FBXL7: variants seen among roughly 807,000 people sequenced by gnomAD.
FBXL7 encodes the protein F-box and leucine rich repeat protein 7.
A neutral mutation model predicts 38.3 loss-of-function variants in FBXL7; 12 were observed. The ratio of observed to expected loss-of-function variants is 0.31; its 90% CI spans 0.20 to 0.51. The LOEUF is 0.51. Ranked by LOEUF, FBXL7 falls within the 20% of genes least tolerant of loss-of-function variation. FBXL7 has a pLI of 0.98. For missense variants in FBXL7, 567 were observed against 676.4 expected (o/e 0.84, Z 1.79); for synonymous variants, 297 against 300.9 (o/e 0.99, Z 0.13).
intron 1 of FBXL7, among the ~76,000 whole-genome samples, chr5:15,575,657 G>T (rs578011978): frequency 6.6e-6 from 1 of 152,288 alleles, no homozygotes; most frequent in South Asian, 2.1e-4. Flanking sequence ...GGACTGCTTA[G>T]CAGAACATTT....
intron 2 of FBXL7, among the ~76,000 whole-genome samples, chr5:15,718,814 A>G (rs1239814368): frequency 6.6e-6 from 1 of 152,230 alleles, no homozygotes; most frequent in Non-Finnish European, 1.5e-5. Flanking sequence ...ACGGAGAATG[A>G]ATTTCAACTA....
intron 2 of FBXL7, among the ~76,000 whole-genome samples, chr5:15,695,932 G>A (rs1273943360): frequency 6.6e-6 from 1 of 152,170 alleles, no homozygotes; most frequent in East Asian, 1.9e-4. Flanking sequence ...GAAATACCAG[G>A]TGTACGTTCC....
chr5:15,854,361 A>T (rs1460138008), intron 2 of FBXL7, among the ~76,000 whole-genome samples: 1 of 152,198 alleles, frequency 6.6e-6, no homozygotes, highest in African/African-American at 2.4e-5. Context: ...TTTGACAAAC[A>T]TCCTGTTAGC....
chr5:15,845,699 T>A (rs921766404), intron 2 of FBXL7, among the ~76,000 whole-genome samples: 5 of 152,328 alleles, frequency 3.3e-5, no homozygotes, highest in Non-Finnish European at 7.3e-5. Flanking sequence ...AGGCTGGGTG[T>A]GGTGGCTCAT....
chr5:15,845,804 T>C (rs1738881236), intron 2 of FBXL7, among the ~76,000 whole-genome samples: 1 of 152,082 alleles, frequency 6.6e-6, no homozygotes, highest in Non-Finnish European at 1.5e-5. Context: ...ACCCCGTCTC[T>C]AGTAAAAATA....
chr5:15,904,209 A>G, intron 2 of FBXL7, among the ~76,000 whole-genome samples: 1 of 152,186 alleles, frequency 6.6e-6, no homozygotes, highest in Non-Finnish European at 1.5e-5. Flanking sequence ...GGTTTTCAAG[A>G]TTTGAACCAG....
chr5:15,912,095 T>C (rs1258466098), intron 2 of FBXL7, among the ~76,000 whole-genome samples: 2 of 40,658 alleles, frequency 4.9e-5, no homozygotes, highest in Admixed American at 6.1e-4. Context: ...TAAGCAAGCC[T>C]GGGCAATGGC....
At chr5:15,738,139 C>T (rs925698093) in intron 2 of FBXL7, among the ~76,000 whole-genome samples, 4 of 152,064 alleles carry the variant, frequency 2.6e-5, no homozygotes, top group South Asian at 2.1e-4. Context: ...TAATTAACAC[C>T]GACTCTACAG....
At chr5:15,859,752 C>A (rs977319653) in intron 2 of FBXL7, among the ~76,000 whole-genome samples, 1 of 152,186 alleles carries the variant, frequency 6.6e-6, no homozygotes, top group Admixed American at 6.5e-5. Context: ...ACGGGAACAA[C>A]AGTTCAAGAT....
intron 2 of FBXL7, among the ~76,000 whole-genome samples, chr5:15,619,187 G>A (rs896025547): frequency 4.6e-5 from 7 of 152,122 alleles, no homozygotes; most frequent in Non-Finnish European, 8.8e-5. Flanking sequence ...TTCCCCGGTG[G>A]CATGGAACCG....
intron 2 of FBXL7, among the ~76,000 whole-genome samples, chr5:15,770,338 C>T (rs1736695587): frequency 6.6e-6 from 1 of 152,078 alleles, no homozygotes; most frequent in Non-Finnish European, 1.5e-5. Context: ...CCAGTTCTTG[C>T]CAAGAAGATA....
intron 1 of FBXL7, among the ~76,000 whole-genome samples, chr5:15,509,607 C>G (rs1736738109): frequency 6.6e-6 from 1 of 152,020 alleles, no homozygotes; most frequent in Non-Finnish European, 1.5e-5. Flanking sequence ...ACCCCAAAAC[C>G]AACAACAACA....
chr5:15,906,763 G>A (rs1394987806), intron 2 of FBXL7, among the ~76,000 whole-genome samples: 6 of 70,706 alleles, frequency 8.5e-5, no homozygotes, highest in Admixed American at 3.4e-4. Flanking sequence ...GAGAATATGC[G>A]GTGTTTGGTT....
intron 2 of FBXL7, among the ~76,000 whole-genome samples, chr5:15,794,956 G>A (rs1448694918): frequency 1.3e-5 from 2 of 152,194 alleles, no homozygotes; most frequent in East Asian, 1.9e-4. Context: ...GTTTTGTTTT[G>A]TTTTGTTTTA....
chr5:15,917,613 T>G, intron 2 of FBXL7, among the ~76,000 whole-genome samples: 1 of 104,202 alleles, frequency 9.6e-6, no homozygotes, highest in Non-Finnish European at 2.0e-5. Flanking sequence ...GTCTCAAAAA[T>G]AAAGTAAATG....
rs544632061 is a variant in FBXL7 at position 15,928,795 on chromosome 5, G to A, written c.739+294G>A. On this transcript the variant is annotated intron_variant, in intron 3 of 3. Coordinates refer to ENST00000504595, the MANE Select transcript of FBXL7 (RefSeq NM_012304.5). The surrounding 1 kb of genome is among the most constrained non-coding windows in gnomAD (Gnocchi z 4.0). ...AGTTACATATGTATACATGTGCCAT[G>A]TTGGTGTGCTGCACCCATTAACTCG... Among the ~76,000 whole-genome samples, 1 of 152,238 alleles carries A rather than the reference G, an allele frequency of 6.6e-6. No individual in the cohort carries two copies. Among genetic ancestry groups the A allele is most frequent in the Non-Finnish European group, 1.5e-5 (1 of 68,026 alleles).
intron 1 of FBXL7, among the ~76,000 whole-genome samples, chr5:15,577,592 TTTTGTGTGTGTGTGTGTGTGTG>T (rs886548236): frequency 6.6e-5 from 7 of 105,794 alleles, no homozygotes; most frequent in African/African-American, 2.8e-4. Context: ...ATGTAATGCA[TTTTGTGTGTGTGTGTGTGTGTG>T]TGTGTGTGTG....
chr5:15,617,889 T>C (rs1041759448), intron 2 of FBXL7, among the ~76,000 whole-genome samples: 1 of 152,212 alleles, frequency 6.6e-6, no homozygotes, highest in Non-Finnish European at 1.5e-5. Flanking sequence ...TCACCATAAC[T>C]TGTCTAATTT....
chr5:15,925,387 A>G (rs1741854605), intron 2 of FBXL7, among the ~76,000 whole-genome samples: 1 of 152,232 alleles, frequency 6.6e-6, no homozygotes, highest in Non-Finnish European at 1.5e-5. Flanking sequence ...GGGGCAGCAC[A>G]TAATTCAAAG....
Sources: allele counts gnomAD v4.1 joint callset (sites outside exome capture counted in the v4.1 genomes callset), GRCh38; gene constraint gnomAD v4.1.1; non-coding constraint Gnocchi (gnomAD v3.1); transcripts MANE v1.5; gene names NCBI Gene and HGNC (gene_info 2026-07-23, HGNC 2026-07-21).